Variants in PDE3B observed in about 807,000 individuals in gnomAD.
PDE3B encodes the protein phosphodiesterase 3B.
In PDE3B, 66 loss-of-function variants were observed where a neutral mutation model predicts 116.8. That is an observed-to-expected ratio of 0.56 (90% confidence interval 0.46 to 0.69). The LOEUF is 0.69. Among genes scored for constraint, PDE3B ranks in the 30% least tolerant of loss-of-function variants. The pLI is 0.00. For missense variants in PDE3B, 1,384 were observed against 1,368.1 expected (o/e 1.01, Z -0.18); for synonymous variants, 595 against 533.6 (o/e 1.12, Z -1.59).
the PDE3B span, chr11:14,879,101 A>G: frequency 1.2e-6 from 2 of 1,607,442 alleles, no homozygotes; most frequent in Non-Finnish European, 1.7e-6. Flanking sequence ...ACGCCCCGTG[A>G]AAGTTCTCTT....
At chr11:14,730,312 T>C (rs1047339628) in intron 1 of PDE3B, among the ~76,000 whole-genome samples, 3 of 152,190 alleles carry the variant, frequency 2.0e-5, no homozygotes, top group Admixed American at 1.3e-4. Flanking sequence ...TATTTTCAGA[T>C]TGTGTGGAGA....
At chr11:14,800,871 C>G (rs1041346463) in intron 4 of PDE3B, among the ~76,000 whole-genome samples, 1 of 151,946 alleles carries the variant, frequency 6.6e-6, no homozygotes, top group Non-Finnish European at 1.5e-5. Context: ...ATTCTTTTTT[C>G]TCTAATCTTC....
the PDE3B span, chr11:14,880,360 C>T: frequency 1.2e-6 from 2 of 1,613,310 alleles, no homozygotes; most frequent in South Asian, 2.2e-5. Context: ...TTCAATGAGT[C>T]TGGAGAGAAA....
the PDE3B span, among the ~76,000 whole-genome samples, chr11:14,893,341 CAAGG>C: frequency 1.3e-5 from 2 of 152,178 alleles, no homozygotes; most frequent in East Asian, 3.8e-4. Flanking sequence ...CAAGGGCTGT[CAAGG>C]AAAGTCTTAT....
chr11:14,878,447 G>A, the PDE3B span: 8 of 823,808 alleles, frequency 9.7e-6, no homozygotes, highest in Non-Finnish European at 1.5e-5. Flanking sequence ...AAATCTCAAA[G>A]AATAGAAATT....
chr11:14,812,138 G>T (rs1403009728), intron 5 of PDE3B, among the ~76,000 whole-genome samples: 2 of 152,056 alleles, frequency 1.3e-5, no homozygotes, highest in African/African-American at 4.8e-5. Flanking sequence ...ATGGGTCTAT[G>T]GTTTCTTTTT....
chr11:14,793,484 CT>C (rs1293179032), intron 4 of PDE3B, among the ~76,000 whole-genome samples: 1 of 152,120 alleles, frequency 6.6e-6, no homozygotes, highest in East Asian at 1.9e-4. Context: ...CATGTTTATA[CT>C]CAAGAAATTT....
At chr11:14,756,613 A>T (rs1296594942) in intron 1 of PDE3B, among the ~76,000 whole-genome samples, 1 of 152,168 alleles carries the variant, frequency 6.6e-6, no homozygotes, top group Admixed American at 6.5e-5. Context: ...GAGTCCAAAA[A>T]GGTTAGTCTC....
intron 1 of PDE3B, among the ~76,000 whole-genome samples, chr11:14,702,380 T>C (rs1855391571): frequency 6.6e-6 from 1 of 151,844 alleles, no homozygotes; most frequent in South Asian, 2.1e-4. Flanking sequence ...GTTGCAAGCT[T>C]TTGTCAGATT....
chr11:14,680,664 G>A (rs1393748855), intron 1 of PDE3B, among the ~76,000 whole-genome samples: 2 of 151,882 alleles, frequency 1.3e-5, no homozygotes, highest in South Asian at 2.1e-4. Flanking sequence ...TGACATACAC[G>A]TAAAAGAGTA....
chr11:14,669,592 C>T (rs1362275360), intron 1 of PDE3B, among the ~76,000 whole-genome samples: 3 of 151,480 alleles, frequency 2.0e-5, no homozygotes, highest in Non-Finnish European at 4.4e-5. Flanking sequence ...TTAAGTATTC[C>T]TCATGCTATC....
At chr11:14,714,230 G>T (rs1322885793) in intron 1 of PDE3B, among the ~76,000 whole-genome samples, 1 of 148,654 alleles carries the variant, frequency 6.7e-6, no homozygotes, top group Non-Finnish European at 1.5e-5. Flanking sequence ...CCGTATAAAT[G>T]TGTATATATA....
At chr11:14,845,936 C>T (rs533736657) in intron 12 of PDE3B, among the ~76,000 whole-genome samples, 2 of 152,154 alleles carry the variant, frequency 1.3e-5, no homozygotes, top group African/African-American at 4.8e-5. Flanking sequence ...TCCAGGAGAA[C>T]TTCCCCAATC....
intron 1 of PDE3B, among the ~76,000 whole-genome samples, chr11:14,669,267 G>T (rs567798873): frequency 2.3e-4 from 35 of 152,122 alleles, no homozygotes; most frequent in African/African-American, 8.0e-4. Context: ...GTGGGTGGGA[G>T]AGTGGGGGAG....
intron 1 of PDE3B, among the ~76,000 whole-genome samples, chr11:14,695,552 C>T (rs1279934023): frequency 6.6e-6 from 1 of 151,794 alleles, no homozygotes; most frequent in Non-Finnish European, 1.5e-5. Flanking sequence ...GGTACATGTT[C>T]AGGATGTGCA....
intron 1 of PDE3B, among the ~76,000 whole-genome samples, chr11:14,744,245 T>C (rs1213933163): frequency 6.6e-6 from 1 of 152,212 alleles, no homozygotes; most frequent in Non-Finnish European, 1.5e-5. Flanking sequence ...TTCCTTTCTA[T>C]TCTTTTTTCT....
At chr11:14,759,464 A>G (rs185144339) in intron 1 of PDE3B, among the ~76,000 whole-genome samples, 144 of 151,886 alleles carry the variant, frequency 9.5e-4, no homozygotes, top group Non-Finnish European at 1.9e-3. Context: ...GTTCAGTCTA[A>G]TTGTAGTTCA....
rs948666932 is a variant in PDE3B, at chr11:14,815,134, CA to C, written c.1523-3039del. Among the ~76,000 whole-genome samples the C allele has an allele frequency of 4.2e-4, 60 of 143,552 alleles. 1 individual carries two copies. In the South Asian group the frequency reaches 6.6e-3, roughly 16 times the overall value. 94.2% of individuals were successfully genotyped at this position (143,552 alleles called of 152,430 possible). A position where few individuals can be genotyped will look rare whatever the true frequency, so the allele number is the denominator to read the frequency against. On this transcript the variant is annotated intron_variant, in intron 5 of 15. Transcript: ENST00000282096. ...CCTGGGCGATAGAGTGAGACTCCATCAAAAAAAAAAGTCATATAAAAAGAAT... is the reference window on the plus strand; with the variant it reads ...CCTGGGCGATAGAGTGAGACTCCATCAAAAAAAAAGTCATATAAAAAGAAT...
chr11:14,831,965 T>C (rs1418660517), intron 9 of PDE3B, among the ~76,000 whole-genome samples, 188 bp downstream of exon 9: 2 of 152,154 alleles, frequency 1.3e-5, no homozygotes, highest in African/African-American at 4.8e-5. Context: ...CTATTATATA[T>C]ATGACAAGTA....
Sources: gnomAD v4.1 joint callset for allele counts (sites outside exome capture counted in the v4.1 genomes callset) on GRCh38, gnomAD v4.1.1 for gene constraint, MANE v1.5 for transcripts, NCBI Gene and HGNC (gene_info 2026-07-23, HGNC 2026-07-21) for gene names.